The following KYNU variants were observed in gnomAD, a reference collection of about 807,000 sequenced individuals.
The protein encoded by KYNU is L-kynurenine hydrolase.
KYNU carries 54 observed loss-of-function variants against 59.2 expected under a neutral mutation model. The ratio of observed to expected loss-of-function variants is 0.91; its 90% confidence interval spans 0.73 to 1.14. KYNU has a LOEUF of 1.14. Among genes scored for constraint, KYNU ranks in the 50% most tolerant of loss-of-function variants. The pLI, the probability that KYNU is intolerant of heterozygous loss-of-function variation, is 0.00. For missense variants in KYNU, 567 were observed against 554.4 expected, an observed-to-expected ratio of 1.02 and a Z score of -0.23; for synonymous variants, 177 against 192.0, an observed-to-expected ratio of 0.92 and a Z score of 0.65.
intron 13 of KYNU, 73 bp from the exon 14 acceptor site, chr2:143,041,974 A>G (rs1431106788): frequency 1.3e-5 from 19 of 1,505,648 alleles, no homozygotes; most frequent in Non-Finnish European, 1.7e-5. Flanking sequence ...GCTTTACATA[A>G]GTTTATCTGG....
At position 143,031,434 on chromosome 2, in the gene KYNU, A is replaced by G. The variant is rs184652816; in HGVS notation, c.955+1755A>G. On this transcript the variant is annotated intron_variant, in intron 11 of 13. Transcript: ENST00000264170. Reference sequence around the variant, plus strand: ...CTATGTTTTCATAAAACTGTATTTTAAAAAGCAGGGCCTGGCACGAAGACT... The same window carrying G: ...CTATGTTTTCATAAAACTGTATTTTGAAAAGCAGGGCCTGGCACGAAGACT... Among the ~76,000 whole-genome samples the G allele has an allele frequency of 3.9e-4, 60 of 152,336 alleles. No individual in the cohort carries two copies. The East Asian group carries it at 8.7e-3, about 22-fold the overall frequency.
Position 142,885,285 on chromosome 2 carries a change from T to A in KYNU, c.-19-64T>A, listed in dbSNP as rs1377876944. On this transcript the variant is annotated intron_variant, in intron 1 of 13. Transcript: ENST00000264170. ...TAGTGAAAACAAAAGGTGTATTACC[T>A]AAAGGGCTCATTTTCTACAGGAAAA... The A allele has an allele frequency of 2.9e-6, 4 of 1,368,968 alleles. No individual in the cohort carries two copies. The African/African-American group carries it at 4.3e-5, about 15-fold the overall frequency. 84.8% of individuals were successfully genotyped at this position (1,368,968 alleles called of 1,614,324 possible).
intron 10 of KYNU, among the ~76,000 whole-genome samples, chr2:143,013,280 G>C (rs1189874986): frequency 7.2e-6 from 1 of 139,444 alleles, no homozygotes; most frequent in African/African-American, 2.8e-5. Flanking sequence ...GTCTCTCTCT[G>C]TTTCTCTGTC....
At chr2:142,887,026 C>T (rs911426406) in intron 2 of KYNU, among the ~76,000 whole-genome samples, 3 of 152,064 alleles carry the variant, frequency 2.0e-5, no homozygotes, top group East Asian at 1.9e-4. Context: ...AAAAATTAGC[C>T]GGGCGTAGTG....
intron 7 of KYNU, among the ~76,000 whole-genome samples, chr2:142,958,373 A>G (rs552208074): frequency 6.6e-6 from 1 of 152,338 alleles, no homozygotes; most frequent in East Asian, 1.9e-4. Context: ...TTACATTAAT[A>G]GAGATAAAAG....
chr2:142,918,719 T>C lies in KYNU; in HGVS notation c.280T>C (p.Trp94Arg). 1.9e-6 allele frequency: 3 copies of C among 1,611,466 alleles called. No homozygotes were observed. The highest frequency in any genetic ancestry group is 2.5e-6 in the Non-Finnish European group (3 of 1,178,348). Residue 94 changes from tryptophan (W) to arginine (R), a missense_variant, in exon 3 of 14, where the codon TGG becomes CGG. Physicochemically the swap from Trp to Arg is moderately radical, Grantham distance 101 (BLOSUM62 -3). Coordinates refer to ENST00000264170, the MANE Select transcript of KYNU (RefSeq NM_003937.3). ...KTYLEEELDKWAKIAAYGHEV... is the reference protein window; with the variant it reads ...KTYLEEELDKRAKIAAYGHEV... ...ATATCTTGAAGAAGAACTAGATAAGTGGGCCAAAATGTAAGTATTATTTTA... is the reference window on the plus strand; with the variant it reads ...ATATCTTGAAGAAGAACTAGATAAGCGGGCCAAAATGTAAGTATTATTTTA...
At chr2:142,924,655 A>G (rs529809667) in intron 3 of KYNU, among the ~76,000 whole-genome samples, 1 of 152,328 alleles carries the variant, frequency 6.6e-6, no homozygotes, top group South Asian at 2.1e-4. Context: ...TAGATGTCTC[A>G]GAAAACACCC....
intron 4 of KYNU, among the ~76,000 whole-genome samples, chr2:142,949,269 A>G (rs902815870): frequency 6.6e-6 from 1 of 151,894 alleles, no homozygotes; most frequent in Non-Finnish European, 1.5e-5. Flanking sequence ...TGGATCTACC[A>G]CTCTGGGGAC....
intron 4 of KYNU, among the ~76,000 whole-genome samples, chr2:142,944,585 G>A (rs1683712957): frequency 6.6e-6 from 1 of 152,050 alleles, no homozygotes; most frequent in Non-Finnish European, 1.5e-5. Flanking sequence ...CATAACTGGA[G>A]CTCTTGATGT....
rs1196650664 is a variant in KYNU, at chr2:143,053,308, T to G, written c.*11136T>G. 2.6e-5 allele frequency: 4 copies of G among 152,268 alleles called. No homozygotes were observed. The highest frequency in any genetic ancestry group is 9.6e-5 in the African/African-American group (4 of 41,462). The allele number at this position is 152,268 out of a possible 1,614,324, so 9.4% of individuals were successfully genotyped here. On this transcript the variant is annotated 3_prime_UTR_variant, in exon 14 of 14. Transcript: ENST00000264170. ...CTTACCTTTTCTGGATTCTAGAGGC[T>G]TCCCACAATCCTTGGCTTAAGGTCC...
At chr2:142,988,801 C>A (rs751390195) in intron 10 of KYNU, 1 of 1,370,270 alleles carries the variant, frequency 7.3e-7, no homozygotes. Flanking sequence ...CCTTGGCTCT[C>A]TATTCTGTAC....
At chr2:142,981,794 A>G (rs6756643) in intron 8 of KYNU, among the ~76,000 whole-genome samples, 3,098 of 152,148 alleles carry the variant, frequency 0.02, 105 homozygotes, top group African/African-American at 0.069. Flanking sequence ...ACTTTTCAGT[A>G]TATTGAGGTT....
chr2:142,922,742 T>C (rs1682923513), intron 3 of KYNU, among the ~76,000 whole-genome samples: 3 of 152,190 alleles, frequency 2.0e-5, no homozygotes, highest in Admixed American at 2.0e-4. Flanking sequence ...GATTTTGTAA[T>C]TCATAAGGCT....
At chr2:142,943,073 T>A (rs1173263571) in intron 4 of KYNU, among the ~76,000 whole-genome samples, 1 of 151,698 alleles carries the variant, frequency 6.6e-6, no homozygotes, top group Non-Finnish European at 1.5e-5. Flanking sequence ...GAGTTTCAGG[T>A]TTTTTTCTAT....
chr2:142,906,961 C>A (rs1333924518), intron 2 of KYNU, among the ~76,000 whole-genome samples: 1 of 152,218 alleles, frequency 6.6e-6, no homozygotes, highest in East Asian at 1.9e-4. Flanking sequence ...TCCCAGGAAG[C>A]CTCACACCTG....
intron 3 of KYNU, among the ~76,000 whole-genome samples, chr2:142,922,541 T>C (rs1682918803): frequency 6.6e-6 from 1 of 152,046 alleles, no homozygotes; most frequent in Admixed American, 6.6e-5. Context: ...ACATAAAAAT[T>C]AGAGTGCTTC....
At position 142,974,605 on chromosome 2, in the gene KYNU, C is replaced by G. The variant is rs565432238; in HGVS notation, c.730-10479C>G. Among the ~76,000 whole-genome samples the G allele has an allele frequency of 1.3e-4, 20 of 152,288 alleles. No individual in the cohort carries two copies. The South Asian group carries it at 1.9e-3, about 14-fold the overall frequency. On this transcript the variant is annotated intron_variant, in intron 8 of 13. Coordinates refer to ENST00000264170, the MANE Select transcript of KYNU (RefSeq NM_003937.3). ...TGGTGCCAGATTCTTTGCCAGTTTCCCCCAAGGAGTAACTGACTAGCTATG... is the reference window on the plus strand; with the variant it reads ...TGGTGCCAGATTCTTTGCCAGTTTCGCCCAAGGAGTAACTGACTAGCTATG...
intron 10 of KYNU, among the ~76,000 whole-genome samples, chr2:143,002,435 A>G (rs546407094): frequency 6.6e-6 from 1 of 152,304 alleles, no homozygotes; most frequent in African/African-American, 2.4e-5. Flanking sequence ...TGAAAATGTC[A>G]TCACTATTTT....
intron 4 of KYNU, among the ~76,000 whole-genome samples, chr2:142,938,926 G>A (rs894476867): frequency 2.0e-5 from 3 of 152,012 alleles, no homozygotes; most frequent in Non-Finnish European, 2.9e-5. Flanking sequence ...TTCAAGACCA[G>A]TTGAGGCAAA....
Sources: gnomAD v4.1 joint callset for allele counts (sites outside exome capture counted in the v4.1 genomes callset) on GRCh38, gnomAD v4.1.1 for gene constraint, MANE v1.5 for transcripts, NCBI Gene and HGNC (gene_info 2026-07-23, HGNC 2026-07-21) for gene names.